MAP3K15: variants seen among roughly 807,000 people sequenced by gnomAD.
The protein encoded by MAP3K15 is MAPK/ERK kinase kinase 15.
MAP3K15 carries 124 observed loss-of-function variants against 99.5 expected under a neutral mutation model. That is an observed-to-expected ratio of 1.25 (90% CI 1.08 to 1.45). The LOEUF is 1.45. Among genes scored for constraint, MAP3K15 ranks in the 40% most tolerant of loss-of-function variants. MAP3K15 has a pLI of 0.00. For synonymous variants in MAP3K15, 494 were observed against 439.6 expected (o/e 1.12, Z -1.55); for missense variants, 1,242 against 1,079.7 (o/e 1.15, Z -2.11).
At chrX:19,466,393 G>T (rs1423999623) in intron 3 of MAP3K15, among the ~76,000 whole-genome samples, 1 of 111,274 alleles carries the variant, frequency 9.0e-6, no homozygotes, top group Non-Finnish European at 1.9e-5. Context: ...CATCAGGGGC[G>T]GTTTCTCCCA....
At chrX:19,502,672 T>G (rs1387449576) in intron 1 of MAP3K15, among the ~76,000 whole-genome samples, 2 of 110,782 alleles carry the variant, frequency 1.8e-5, no homozygotes, top group Non-Finnish European at 3.8e-5. Flanking sequence ...ATACAAAAAT[T>G]AGCCAGACAT....
intron 18 of MAP3K15, among the ~76,000 whole-genome samples, chrX:19,389,403 A>C (rs1021215056): frequency 9.1e-6 from 1 of 110,013 alleles, no homozygotes; most frequent in African/African-American, 3.3e-5. Flanking sequence ...TCAGAGGAAC[A>C]CAGGGAGGGA....
intron 1 of MAP3K15, among the ~76,000 whole-genome samples, chrX:19,514,528 T>G (rs1448134829): frequency 7.4e-5 from 1 of 13,526 alleles, no homozygotes; most frequent in Non-Finnish European, 1.3e-4. Flanking sequence ...GATCAGGGGG[T>G]GAGAGGATAG....
chrX:19,465,374 G>A (rs1472114239), intron 3 of MAP3K15, among the ~76,000 whole-genome samples: 5 of 111,207 alleles, frequency 4.5e-5, no homozygotes, highest in African/African-American at 9.8e-5. Flanking sequence ...GGTTTTCTGA[G>A]AATACTTACA....
At chrX:19,457,763 G>T (rs1056276864) in intron 5 of MAP3K15, among the ~76,000 whole-genome samples, 22 of 111,730 alleles carry the variant, frequency 2.0e-4, no homozygotes, top group African/African-American at 7.2e-4. Flanking sequence ...ATCTAAACTA[G>T]TGTTTCTCAA....
chrX:19,488,395 C>A (rs1187445413), intron 2 of MAP3K15, among the ~76,000 whole-genome samples: 1 of 111,887 alleles, frequency 8.9e-6, no homozygotes, highest in Non-Finnish European at 1.9e-5. Flanking sequence ...ATATTCTGTC[C>A]ATTTCGGTAA....
intron 5 of MAP3K15, among the ~76,000 whole-genome samples, chrX:19,459,676 C>A (rs1464904413): frequency 8.9e-6 from 1 of 111,871 alleles, no homozygotes; most frequent in Non-Finnish European, 1.9e-5. Flanking sequence ...ATGGTGAAAA[C>A]CCTGTCTCTA....
chrX:19,415,238 G>A lies in MAP3K15; in HGVS notation c.1459C>T (p.Gln487Ter). Residue 487 changes from glutamine to a stop codon, truncating the protein, a stop_gained, in exon 10 of 29, where the codon CAG becomes TAG. Coordinates refer to ENST00000338883, the MANE Select transcript of MAP3K15 (RefSeq NM_001001671.4). LOFTEE classifies it high-confidence loss of function. ...AAGCGCCGAATTAGTAACAAGTTCT[G>A]AACTAATGATCGCAGGTACCTGGAA... ...PPVWYLRSLV[Q>*]NLLLIRRFKK... 1 of 1,174,915 alleles carries A rather than the reference G, an allele frequency of 8.5e-7. No homozygotes were observed. The highest frequency in any genetic ancestry group is 3.0e-5 in the East Asian group (1 of 33,056).
chrX:19,415,793 T>C (rs1264228970), intron 9 of MAP3K15, among the ~76,000 whole-genome samples: 2 of 111,775 alleles, frequency 1.8e-5, no homozygotes, highest in Non-Finnish European at 1.9e-5. Context: ...CATTTTATCA[T>C]TTACTACCCA....
chrX:19,382,267 A>C (rs1012218194), intron 18 of MAP3K15, among the ~76,000 whole-genome samples: 8 of 106,478 alleles, frequency 7.5e-5, no homozygotes, highest in Admixed American at 4.0e-4. Flanking sequence ...AAAAAAAAAA[A>C]GGAAAGCAAA....
chrX:19,409,632 A>G (rs779259344), intron 12 of MAP3K15, among the ~76,000 whole-genome samples: 17 of 111,921 alleles, frequency 1.5e-4, no homozygotes, highest in Non-Finnish European at 2.6e-4. Flanking sequence ...TGGCTCAAAA[A>G]AGATACATCT....
In MAP3K15 at chrX:19,361,525, G is replaced by A; in HGVS notation, c.3748C>T (p.Leu1250=). The A allele has an allele frequency of 1.7e-6, 2 of 1,211,406 alleles. No individual in the cohort carries two copies. The part of the protein sequence containing the change: ...TDKELIDWLR[L]QGADAKTIEK... ...ATTGTCTTTGCATCAGCTCCTTGCA[G>A]CCGCAACCAGTCTATAAGCTCTTTA... The change falls in exon 27 of 29, where the codon CTG becomes TTG. Residue 1250 remains leucine (L), a synonymous_variant. Coordinates refer to ENST00000338883, the MANE Select transcript of MAP3K15 (RefSeq NM_001001671.4).
At chrX:19,375,494 C>T (rs775688472) in intron 19 of MAP3K15, among the ~76,000 whole-genome samples, 9 of 112,255 alleles carry the variant, frequency 8.0e-5, no homozygotes, top group East Asian at 2.8e-4. Flanking sequence ...CGCTGTGACA[C>T]GGACATGCTT....
chrX:19,383,659 A>T (rs994238354), intron 18 of MAP3K15, among the ~76,000 whole-genome samples: 28 of 112,535 alleles, frequency 2.5e-4, no homozygotes, highest in East Asian at 1.9e-3. Flanking sequence ...TTAGATTTTT[A>T]AAAATGGGCA....
intron 9 of MAP3K15, among the ~76,000 whole-genome samples, chrX:19,417,130 C>T (rs950321181): frequency 2.7e-5 from 3 of 111,798 alleles, no homozygotes; most frequent in Non-Finnish European, 3.8e-5. Context: ...ATGCAGAAGA[C>T]GGGTGATTTC....
At chrX:19,375,349 C>T (rs2063409590) in intron 19 of MAP3K15, among the ~76,000 whole-genome samples, 1 of 111,256 alleles carries the variant, frequency 9.0e-6, no homozygotes, top group African/African-American at 3.3e-5. Context: ...CATCCACAGC[C>T]CAGATTCCCA....
Position 19,486,474 on chromosome X carries a change from ATACT to A in MAP3K15, c.525+4_525+7del. 2.4e-6 allele frequency: 2 copies of A among 822,135 alleles called. No homozygotes were observed. The highest frequency in any genetic ancestry group is 2.7e-5 in the South Asian group (1 of 37,720). 67.8% of individuals were successfully genotyped at this position (822,135 alleles called of 1,213,427 possible). On this transcript the variant is annotated splice_donor_5th_base_variant and intron_variant, in intron 3 of 28. Coordinates refer to ENST00000338883, the MANE Select transcript of MAP3K15 (RefSeq NM_001001671.4). ...CAGAATTAAAATTCTGAAAATGTTA[ATACT>A]TACTGTGTTTTTTTGAGTTACCATG...
chrX:19,487,411 A>C lies in MAP3K15; in HGVS notation c.502-906T>G, dbSNP rs902996376. ...TTCTAATTTCATGTTTTTCATCAAA[A>C]TATAGGTTAATAATCTATATCTTTC... On this transcript the variant is annotated intron_variant, in intron 2 of 28. Transcript: ENST00000338883. Among the ~76,000 whole-genome samples the C allele has an allele frequency of 3.9e-4, 44 of 111,934 alleles. 1 individual carries two copies. The highest frequency in any genetic ancestry group is 1.3e-3 in the African/African-American group (41 of 30,807).
At chrX:19,482,146 C>T (rs1243481222) in intron 3 of MAP3K15, 1 of 98,165 alleles carries the variant, frequency 1.0e-5, no homozygotes, top group East Asian at 3.2e-4. Flanking sequence ...CGCCATTGCA[C>T]TCCAGCCTGG....
Sources: gnomAD v4.1 joint callset for allele counts (sites outside exome capture counted in the v4.1 genomes callset) on GRCh38, gnomAD v4.1.1 for gene constraint, MANE v1.5 for transcripts, NCBI Gene and HGNC (gene_info 2026-07-23, HGNC 2026-07-21) for gene names.